The following EML5 variants were observed in gnomAD, a reference collection of about 807,000 sequenced individuals.
EML5 encodes echinoderm microtubule-associated protein-like 5.
A neutral mutation model predicts 250.0 loss-of-function variants in EML5; 120 were observed. The ratio of observed to expected loss-of-function variants is 0.48; its 90% CI spans 0.41 to 0.56. EML5 has a LOEUF of 0.56. Ranked by LOEUF, EML5 falls within the 20% of genes least tolerant of loss-of-function variation. The pLI is 0.00. For missense variants in EML5, 2,006 were observed against 2,437.6 expected (o/e 0.82, Z 3.73); for synonymous variants, 771 against 806.5 (o/e 0.96, Z 0.75).
chr14:88,650,430 G>A (rs2091565306), intron 27 of EML5, among the ~76,000 whole-genome samples: 1 of 151,892 alleles, frequency 6.6e-6, no homozygotes, highest in Non-Finnish European at 1.5e-5. Context: ...CTCCAGCCTG[G>A]GCGACACAGC....
rs542557663 is a variant in EML5 at position 88,613,557 on chromosome 14, T to C, written c.*2261A>G. On this transcript the variant is annotated 3_prime_UTR_variant, in exon 44 of 44. Transcript: ENST00000554922. The stretch of plus-strand genomic sequence containing the variant: ...CACTGCCCAGACACATATTTAAGAG[T>C]TTAATCTTTCAGTTGCTATGGCTTA... 1.3e-5 allele frequency: 2 copies of C among 152,122 alleles called. No homozygotes were observed. The highest frequency in any genetic ancestry group is 4.8e-5 in the African/African-American group (2 of 41,484). The allele number at this position is 152,122 out of a possible 1,614,324, so 9.4% of individuals were successfully genotyped here. A position where few individuals can be genotyped will look rare whatever the true frequency, so the allele number is the denominator to read the frequency against.
At chr14:88,691,643 G>A (rs1022580847) in intron 17 of EML5, among the ~76,000 whole-genome samples, 1 of 152,168 alleles carries the variant, frequency 6.6e-6, no homozygotes, top group African/African-American at 2.4e-5. Context: ...TCAAAGCCTA[G>A]ATCTGGAATG....
chr14:88,752,797 G>A lies in EML5; in HGVS notation c.357+1715C>T, dbSNP rs112669168. Among the ~76,000 whole-genome samples, 18 of 152,236 alleles carry A rather than the reference G, an allele frequency of 1.2e-4. No individual in the cohort carries two copies. The South Asian group carries it at 1.7e-3, about 14-fold the overall frequency. On this transcript the variant is annotated intron_variant, in intron 2 of 43. Coordinates refer to ENST00000554922, the MANE Select transcript of EML5 (RefSeq NM_183387.3). ...CATAAAATCCCCAAACTCCACTGGC[G>A]GAGGAGCAAAACAGCACTGTAGAGA...
At chr14:88,673,225 G>A (rs554255377) in intron 21 of EML5, among the ~76,000 whole-genome samples, 2 of 152,316 alleles carry the variant, frequency 1.3e-5, no homozygotes, top group East Asian at 3.9e-4. Context: ...TGCTAGGCTT[G>A]TTCAACACAC....
chr14:88,709,037 T>C (rs1019877151), intron 10 of EML5, among the ~76,000 whole-genome samples: 5 of 152,138 alleles, frequency 3.3e-5, no homozygotes, highest in African/African-American at 9.6e-5. Context: ...TGTGTTTTAA[T>C]GTGTATTTTC....
In EML5 at chr14:88,754,537, C is replaced by A. The variant is rs1437594115; in HGVS notation, c.332G>T (p.Cys111Phe). Reference protein sequence around the residue: ...LKDVHTHGIACLAFDLDGQRL... With the variant: ...LKDVHTHGIAFLAFDLDGQRL... Reference sequence around the variant, plus strand: ...CTGTCCATCTAAGTCAAACGCCAAGCAAGCTATACCATGTGTATGAACATC... The same window carrying A: ...CTGTCCATCTAAGTCAAACGCCAAGAAAGCTATACCATGTGTATGAACATC... The change falls in exon 2 of 44, where the codon TGC becomes TTC. Residue 111 changes from cysteine (C) to phenylalanine (F), a missense_variant. This residue lies in a region of EML5 where 162 missense variants were observed against 212.2 expected (regional missense o/e 0.76). Transcript: ENST00000554922. 6.2e-7 allele frequency: 1 copy of A among 1,605,078 alleles called. No homozygotes were observed. The highest frequency in any genetic ancestry group is 8.5e-7 in the Non-Finnish European group (1 of 1,177,140).
intron 1 of EML5, among the ~76,000 whole-genome samples, chr14:88,757,221 G>A (rs959841095): frequency 6.6e-6 from 1 of 152,046 alleles, no homozygotes; most frequent in Non-Finnish European, 1.5e-5. Context: ...AATTCAATGG[G>A]GGATAAAATG....
chr14:88,667,114 G>A (rs2092329941), intron 21 of EML5, among the ~76,000 whole-genome samples: 1 of 152,124 alleles, frequency 6.6e-6, no homozygotes, highest in Admixed American at 6.5e-5. Flanking sequence ...ACTAGAGGAG[G>A]AACCACCAGT....
intron 1 of EML5, among the ~76,000 whole-genome samples, chr14:88,777,701 G>T (rs1434225264): frequency 6.6e-6 from 1 of 152,246 alleles, no homozygotes. Flanking sequence ...GATGGGCCGG[G>T]CACAGTGGCT....
In EML5 at chr14:88,622,493, A is replaced by G. The variant is rs958678061; in HGVS notation, c.5013+111T>C. 4.3e-4 allele frequency: 351 copies of G among 824,614 alleles called. 2 individuals carry two copies. The highest frequency in any genetic ancestry group is 7.3e-4 in the Admixed American group (21 of 28,832). 51.1% of individuals were successfully genotyped at this position (824,614 alleles called of 1,614,324 possible). A position where few individuals can be genotyped will look rare whatever the true frequency, so the allele number is the denominator to read the frequency against. ...CAGAGTAATGTTGGCAAGCAAATCC[A>G]TCGTTATGCATTATTAAGTATTGTT... On this transcript the variant is annotated intron_variant, in intron 37 of 43. Coordinates refer to ENST00000554922, the MANE Select transcript of EML5 (RefSeq NM_183387.3).
chr14:88,743,170 G>A (rs2401745), intron 4 of EML5, among the ~76,000 whole-genome samples: 60,962 of 151,806 alleles, frequency 0.4, 14,742 homozygotes, highest in African/African-American at 0.66. Flanking sequence ...ATACAAAATT[G>A]TAACTAGAGA....
intron 2 of EML5, 69 bp from the exon 3 acceptor site, chr14:88,746,352 A>C: frequency 7.9e-7 from 1 of 1,267,936 alleles, no homozygotes. Context: ...CTGAATTACA[A>C]ATAGCAAAGA....
intron 7 of EML5, among the ~76,000 whole-genome samples, chr14:88,732,907 T>A (rs2093782897): frequency 6.6e-6 from 1 of 152,162 alleles, no homozygotes; most frequent in Non-Finnish European, 1.5e-5. Flanking sequence ...GCCTCCCAGG[T>A]TCTAGCGATA....
At chr14:88,755,972 C>T (rs1417731395) in intron 1 of EML5, among the ~76,000 whole-genome samples, 1 of 152,134 alleles carries the variant, frequency 6.6e-6, no homozygotes, top group Non-Finnish European at 1.5e-5. Flanking sequence ...GCTATGACTG[C>T]ACCACTGCAT....
chr14:88,791,145 C>G (rs1289548684), intron 1 of EML5, among the ~76,000 whole-genome samples: 2 of 152,180 alleles, frequency 1.3e-5, no homozygotes, highest in Non-Finnish European at 2.9e-5. Context: ...TCCTTTCCCT[C>G]TTACATATTA....
rs143821884 is a variant in EML5, at chr14:88,709,479, C to A, written c.1657+2792G>T. 5.0e-3 allele frequency among the ~76,000 whole-genome samples: 761 copies of A among 152,054 alleles called. 6 individuals carry two copies. The highest frequency in any genetic ancestry group is 0.018 in the African/African-American group (733 of 41,470). The stretch of plus-strand genomic sequence containing the variant: ...TTGACAGAGGAGAAAACACAGAAGA[C>A]CAAAACATATTTTAAAAGATGGTTA... On this transcript the variant is annotated intron_variant, in intron 10 of 43. Coordinates refer to ENST00000554922, the MANE Select transcript of EML5 (RefSeq NM_183387.3).
In EML5 at chr14:88,614,912, A is replaced by AT. The variant is rs2087346678; in HGVS notation, c.*905dup. 6.6e-6 allele frequency: 1 copy of AT among 152,234 alleles called. No individual in the cohort carries two copies. The highest frequency in any genetic ancestry group is 2.4e-5 in the African/African-American group (1 of 41,472). The allele number at this position is 152,234 out of a possible 1,614,324, so 9.4% of individuals were successfully genotyped here. A position where few individuals can be genotyped will look rare whatever the true frequency, so the allele number is the denominator to read the frequency against. ...TTTATTCCAAGAGTGATTAAATTGTATAATGTTGTATATGTGAATTTAACA... is the reference window on the plus strand; with the variant it reads ...TTTATTCCAAGAGTGATTAAATTGTATTAATGTTGTATATGTGAATTTAACA... On this transcript the variant is annotated 3_prime_UTR_variant, in exon 44 of 44. Coordinates refer to ENST00000554922, the MANE Select transcript of EML5 (RefSeq NM_183387.3).
intron 4 of EML5, among the ~76,000 whole-genome samples, chr14:88,740,857 G>C (rs2093914333): frequency 6.6e-6 from 1 of 152,102 alleles, no homozygotes; most frequent in South Asian, 2.1e-4. Context: ...TTTCTGAAAA[G>C]AAATCTACAT....
intron 1 of EML5, among the ~76,000 whole-genome samples, chr14:88,767,697 T>C (rs1427792566): frequency 6.6e-6 from 1 of 152,188 alleles, no homozygotes; most frequent in African/African-American, 2.4e-5. Flanking sequence ...TTTTAATTTT[T>C]TTAAGAAGTG....
Sources: allele counts gnomAD v4.1 joint callset (sites outside exome capture counted in the v4.1 genomes callset), GRCh38; gene constraint gnomAD v4.1.1; regional missense constraint gnomAD v4.1.1; transcripts MANE v1.5; gene names NCBI Gene and HGNC (gene_info 2026-07-23, HGNC 2026-07-21).